The following PTPRD variants were observed in gnomAD, a reference collection of about 807,000 sequenced individuals.
PTPRD encodes the protein receptor-type tyrosine-protein phosphatase delta.
In PTPRD, 34 loss-of-function variants were observed where a neutral mutation model predicts 214.5. That is an observed-to-expected ratio of 0.16 (90% confidence interval 0.12 to 0.21). PTPRD has a LOEUF of 0.21. PTPRD is among the 10% of genes least tolerant of loss of function. The pLI, the probability that PTPRD is intolerant of heterozygous loss-of-function variation, is 1.00. For missense variants in PTPRD, 2,545 were observed against 2,398.7 expected (o/e 1.06, Z -1.27); for synonymous variants, 1,128 against 845.7 (o/e 1.33, Z -5.79).
intron 9 of PTPRD, among the ~76,000 whole-genome samples, chr9:9,376,920 T>A (rs2140120797): frequency 6.6e-6 from 1 of 151,826 alleles, no homozygotes; most frequent in Admixed American, 6.6e-5. Context: ...TTCCAAAAAA[T>A]TTGGGCTAGG....
chr9:8,895,009 T>C (rs2098596807), intron 11 of PTPRD, among the ~76,000 whole-genome samples: 1 of 152,250 alleles, frequency 6.6e-6, no homozygotes, highest in South Asian at 2.1e-4. Flanking sequence ...TGCTGTCTTT[T>C]GCATATATAT....
chr9:8,516,197 T>C (rs2097777850), intron 21 of PTPRD, among the ~76,000 whole-genome samples: 2 of 152,232 alleles, frequency 1.3e-5, no homozygotes, highest in African/African-American at 4.8e-5. Flanking sequence ...GATTTACGGA[T>C]GTCTACATTT....
intron 2 of PTPRD, among the ~76,000 whole-genome samples, chr9:10,481,199 C>A (rs1216671856): frequency 6.6e-6 from 1 of 152,014 alleles, no homozygotes; most frequent in Non-Finnish European, 1.5e-5. Flanking sequence ...TAGTTAAGGG[C>A]ATAGACGGTA....
chr9:9,772,724 A>G (rs2821505), intron 5 of PTPRD, among the ~76,000 whole-genome samples: 28,710 of 152,100 alleles, frequency 0.19, 3,621 homozygotes, highest in East Asian at 0.4. Context: ...AGTCTTTCAC[A>G]TTGTTTTGAT....
chr9:9,640,324 A>G (rs1177341467), intron 7 of PTPRD, among the ~76,000 whole-genome samples: 24 of 152,202 alleles, frequency 1.6e-4, no homozygotes, highest in Admixed American at 1.6e-3. Context: ...GAGCCAATGT[A>G]AGATCCTAAG....
At chr9:9,020,285 C>T (rs1004843901) in intron 10 of PTPRD, among the ~76,000 whole-genome samples, 1 of 152,034 alleles carries the variant, frequency 6.6e-6, no homozygotes, top group Admixed American at 6.6e-5. Flanking sequence ...CATGTATAAA[C>T]CATTCAATAA....
chr9:9,601,109 A>G (rs10977860), intron 7 of PTPRD, among the ~76,000 whole-genome samples: 22,418 of 102,128 alleles, frequency 0.22, 2,230 homozygotes, highest in African/African-American at 0.32. Flanking sequence ...AGAGATTAAT[A>G]TATGTGTGTG....
At chr9:9,805,497 G>A (rs921854707) in intron 5 of PTPRD, among the ~76,000 whole-genome samples, 10 of 152,104 alleles carry the variant, frequency 6.6e-5, no homozygotes, top group African/African-American at 2.4e-4. Context: ...CAGATCCAAT[G>A]TAAATATTTG....
At chr9:8,704,072 G>A (rs1291856259) in intron 12 of PTPRD, among the ~76,000 whole-genome samples, 2 of 151,934 alleles carry the variant, frequency 1.3e-5, no homozygotes, top group African/African-American at 4.8e-5. Context: ...CATATTTCTG[G>A]CATCCATCCA....
intron 2 of PTPRD, among the ~76,000 whole-genome samples, chr9:10,487,831 G>C (rs138771494): frequency 0.017 from 2,265 of 134,664 alleles, 54 homozygotes; most frequent in African/African-American, 0.059. Flanking sequence ...ATTTTTAGAA[G>C]AACTTTTTTT....
At chr9:10,531,717 G>A in intron 2 of PTPRD, among the ~76,000 whole-genome samples, 1 of 152,110 alleles carries the variant, frequency 6.6e-6, no homozygotes, top group Non-Finnish European at 1.5e-5. Context: ...TGGCTCAACT[G>A]GGTGCAATTT....
intron 3 of PTPRD, among the ~76,000 whole-genome samples, chr9:10,086,490 C>A (rs1250838732): frequency 6.6e-6 from 1 of 151,774 alleles, no homozygotes; most frequent in Non-Finnish European, 1.5e-5. Context: ...GAATCTATTT[C>A]ACATTAGATA....
At chr9:10,186,627 GA>G (rs1423821660) in intron 3 of PTPRD, among the ~76,000 whole-genome samples, 2 of 151,792 alleles carry the variant, frequency 1.3e-5, no homozygotes, top group African/African-American at 2.4e-5. Flanking sequence ...TAACATAGTA[GA>G]AAAAAATAAA....
chr9:9,196,048 C>A (rs751363071), intron 9 of PTPRD, among the ~76,000 whole-genome samples: 1 of 152,164 alleles, frequency 6.6e-6, no homozygotes, highest in Non-Finnish European at 1.5e-5. Context: ...GATGGGGAGG[C>A]CAAGATTCTA....
At chr9:10,108,317 C>T (rs768797592) in intron 3 of PTPRD, among the ~76,000 whole-genome samples, 4 of 151,910 alleles carry the variant, frequency 2.6e-5, no homozygotes, top group African/African-American at 7.3e-5. Context: ...TTTTTTGTAG[C>T]GAGAACACTT....
chr9:9,490,804 G>A (rs115098897), intron 8 of PTPRD, among the ~76,000 whole-genome samples: 1 of 151,814 alleles, frequency 6.6e-6, no homozygotes, highest in East Asian at 1.9e-4. Flanking sequence ...TGCAGGAAAT[G>A]AGGGACAAGA....
intron 9 of PTPRD, among the ~76,000 whole-genome samples, chr9:9,368,388 C>T (rs2058472831): frequency 1.3e-5 from 2 of 151,824 alleles, no homozygotes; most frequent in Non-Finnish European, 2.9e-5. Flanking sequence ...TTAGTCCATT[C>T]ATTCCTTGTT....
intron 8 of PTPRD, among the ~76,000 whole-genome samples, chr9:9,476,769 CTT>C (rs1418187877): frequency 6.6e-6 from 1 of 151,904 alleles, no homozygotes; most frequent in African/African-American, 2.4e-5. Flanking sequence ...GGATTTTTCT[CTT>C]GTTGCCCAGG....
At chr9:9,699,638 T>C (rs1253546332) in intron 7 of PTPRD, among the ~76,000 whole-genome samples, 1 of 152,214 alleles carries the variant, frequency 6.6e-6, no homozygotes, top group Non-Finnish European at 1.5e-5. Context: ...GTGTTTTCTT[T>C]TGACCAACTA....
Sources: allele counts gnomAD v4.1 joint callset (sites outside exome capture counted in the v4.1 genomes callset), GRCh38; gene constraint gnomAD v4.1.1; transcripts MANE v1.5; gene names NCBI Gene and HGNC (gene_info 2026-07-23, HGNC 2026-07-21).